GABRB1: variants seen among roughly 807,000 people sequenced by gnomAD.
The protein encoded by GABRB1 is gamma-aminobutyric acid receptor subunit beta-1.
Under a neutral mutation model 51.6 loss-of-function variants are expected in GABRB1, and 17 were observed. That is an observed-to-expected ratio of 0.33 (90% CI 0.23 to 0.49). The LOEUF is 0.49. GABRB1 is among the 20% of genes least tolerant of loss of function. The pLI is 0.99. For synonymous variants in GABRB1, 247 were observed against 218.9 expected, an observed-to-expected ratio of 1.13 and a Z score of -1.14; for missense variants, 410 against 600.6, an observed-to-expected ratio of 0.68 and a Z score of 3.32.
At chr4:47,319,319 C>T (rs573603733) in intron 4 of GABRB1, among the ~76,000 whole-genome samples, 2 of 152,114 alleles carry the variant, frequency 1.3e-5, no homozygotes, top group Admixed American at 6.5e-5. Flanking sequence ...TATGCATAAT[C>T]TCTCTCCCTC....
At chr4:47,222,031 C>A (rs28653395) in intron 4 of GABRB1, among the ~76,000 whole-genome samples, 1 of 151,976 alleles carries the variant, frequency 6.6e-6, no homozygotes, top group African/African-American at 2.4e-5. Context: ...ATCAAAATTA[C>A]GAATGATAAT....
intron 3 of GABRB1, among the ~76,000 whole-genome samples, chr4:47,147,603 G>T (rs1416646779): frequency 6.6e-6 from 1 of 152,110 alleles, no homozygotes; most frequent in Non-Finnish European, 1.5e-5. Flanking sequence ...AGGCCATGAT[G>T]ACAGCCTACT....
chr4:47,102,559 G>A lies in GABRB1; in HGVS notation c.241-58690G>A, dbSNP rs547898620. Among the ~76,000 whole-genome samples the A allele has an allele frequency of 6.6e-5, 10 of 152,126 alleles. No individual in the cohort carries two copies. The South Asian group carries it at 2.1e-3, about 32-fold the overall frequency. ...AGTCAGGGTTAGATTCCAGAGAAAT[G>A]AAGCCTAAGTTGAGTCCTGAAGCAC... On this transcript the variant is annotated intron_variant, in intron 3 of 8. Coordinates refer to ENST00000295454, the MANE Select transcript of GABRB1 (RefSeq NM_000812.4).
chr4:47,011,824 A>G (rs1288849582), intron 1 of GABRB1, among the ~76,000 whole-genome samples: 2 of 152,194 alleles, frequency 1.3e-5, no homozygotes, highest in South Asian at 2.1e-4. Context: ...CCAACTATAT[A>G]TGCTGTATAG....
chr4:47,368,299 A>G (rs1357834298), intron 5 of GABRB1, among the ~76,000 whole-genome samples: 1 of 152,124 alleles, frequency 6.6e-6, no homozygotes, highest in Non-Finnish European at 1.5e-5. Context: ...AGTTGGTATT[A>G]TCTACTCCCC....
At chr4:47,246,259 G>A (rs1191601844) in intron 4 of GABRB1, among the ~76,000 whole-genome samples, 1 of 123,372 alleles carries the variant, frequency 8.1e-6, no homozygotes, top group Non-Finnish European at 1.7e-5. Flanking sequence ...TCCTTCTCAG[G>A]GCTGAGTAGT....
chr4:47,185,977 T>C (rs947358375), intron 4 of GABRB1, among the ~76,000 whole-genome samples: 7 of 151,828 alleles, frequency 4.6e-5, no homozygotes, highest in African/African-American at 1.7e-4. Flanking sequence ...TGCGTGGCTA[T>C]GCTATACTTA....
intron 3 of GABRB1, among the ~76,000 whole-genome samples, chr4:47,042,616 G>A (rs1725906326): frequency 6.6e-6 from 1 of 150,910 alleles, no homozygotes; most frequent in African/African-American, 2.4e-5. Context: ...ATTTGATTGA[G>A]TATTACAAAG....
At chr4:47,067,701 G>A (rs890349686) in intron 3 of GABRB1, among the ~76,000 whole-genome samples, 36 of 151,768 alleles carry the variant, frequency 2.4e-4, no homozygotes, top group Admixed American at 2.3e-3. Context: ...ACACGAGTAC[G>A]TTTTATTTTA....
intron 1 of GABRB1, among the ~76,000 whole-genome samples, chr4:47,018,875 G>T (rs549335290): frequency 7.2e-5 from 11 of 152,040 alleles, no homozygotes; most frequent in African/African-American, 2.4e-4. Flanking sequence ...GAAAATCCGC[G>T]TATAAGTGGA....
At chr4:47,362,406 C>G (rs1428649289) in intron 5 of GABRB1, among the ~76,000 whole-genome samples, 1 of 152,054 alleles carries the variant, frequency 6.6e-6, no homozygotes, top group African/African-American at 2.4e-5. Flanking sequence ...GGAGTGACCT[C>G]AGCCATAAAA....
intron 3 of GABRB1, among the ~76,000 whole-genome samples, chr4:47,141,528 T>G (rs532677556): frequency 8.5e-5 from 13 of 152,110 alleles, no homozygotes; most frequent in Non-Finnish European, 1.9e-4. Context: ...ATGCACGTTA[T>G]ATTTTATGGA....
At chr4:47,155,373 T>C (rs1367272134) in intron 3 of GABRB1, among the ~76,000 whole-genome samples, 3 of 152,038 alleles carry the variant, frequency 2.0e-5, no homozygotes, top group Admixed American at 2.0e-4. Flanking sequence ...CAATGAAAGA[T>C]AAAACATAAA....
chr4:47,224,152 C>A (rs1384872410), intron 4 of GABRB1, among the ~76,000 whole-genome samples: 1 of 150,202 alleles, frequency 6.7e-6, no homozygotes, highest in African/African-American at 2.4e-5. Flanking sequence ...CCTCTCACCA[C>A]TATTTTGTTT....
intron 5 of GABRB1, among the ~76,000 whole-genome samples, chr4:47,350,878 T>G (rs1578114363): frequency 6.6e-6 from 1 of 152,282 alleles, no homozygotes; most frequent in Middle Eastern, 3.4e-3. Flanking sequence ...AAGAAAATGA[T>G]GATTTCTCCT....
intron 5 of GABRB1, among the ~76,000 whole-genome samples, chr4:47,354,568 C>A (rs1726482169): frequency 6.6e-6 from 1 of 152,036 alleles, no homozygotes; most frequent in African/African-American, 2.4e-5. Context: ...TTCTCTTTTC[C>A]TTTCATCTTA....
chr4:47,039,897 C>T (rs1463132547), intron 3 of GABRB1, among the ~76,000 whole-genome samples: 7 of 152,132 alleles, frequency 4.6e-5, no homozygotes, highest in African/African-American at 9.7e-5. Flanking sequence ...ATTGAATGCT[C>T]TCATTGTGTA....
intron 4 of GABRB1, among the ~76,000 whole-genome samples, chr4:47,235,932 T>C (rs966054536): frequency 2.0e-5 from 3 of 152,166 alleles, no homozygotes; most frequent in African/African-American, 7.2e-5. Flanking sequence ...CTTATCTTTA[T>C]AGCACAAACG....
At chr4:47,409,391 A>G (rs941921668) in intron 8 of GABRB1, among the ~76,000 whole-genome samples, 2 of 152,208 alleles carry the variant, frequency 1.3e-5, no homozygotes. Flanking sequence ...GGAGCTGGAA[A>G]GAGGCTGGAG....
Sources: allele counts gnomAD v4.1 joint callset (sites outside exome capture counted in the v4.1 genomes callset), GRCh38; gene constraint gnomAD v4.1.1; transcripts MANE v1.5; gene names NCBI Gene and HGNC (gene_info 2026-07-23, HGNC 2026-07-21).